Variants in FLNB observed in about 807,000 individuals in gnomAD.
The protein encoded by FLNB is filamin B.
In FLNB, 111 loss-of-function variants were observed where a neutral mutation model predicts 250.6. That is an observed-to-expected ratio of 0.44 (90% CI 0.38 to 0.52). FLNB has a LOEUF of 0.52. FLNB is among the 20% of genes least tolerant of loss of function. FLNB has a pLI of 0.00. For missense variants in FLNB, 2,869 were observed against 3,447.8 expected, an observed-to-expected ratio of 0.83 and a Z score of 4.20; for synonymous variants, 1,302 against 1,372.1, an observed-to-expected ratio of 0.95 and a Z score of 1.13.
intron 1 of FLNB, among the ~76,000 whole-genome samples, chr3:58,072,003 AG>A (rs34814747): frequency 0.53 from 81,069 of 152,018 alleles, 22,996 homozygotes; most frequent in African/African-American, 0.74. Flanking sequence ...CTCCTTCACC[AG>A]GACCAGAGAA....
intron 4 of FLNB, among the ~76,000 whole-genome samples, chr3:58,084,565 T>A (rs568995159): frequency 4.1e-4 from 21 of 50,892 alleles, no homozygotes; most frequent in South Asian, 1.1e-3. Flanking sequence ...TAAAAAAAAA[T>A]TTTTTTTTAT....
At chr3:58,149,722 G>A (rs902139535) in intron 36 of FLNB, 128 bp from the exon 37 acceptor site, 32 of 1,213,886 alleles carry the variant, frequency 2.6e-5, no homozygotes, top group Middle Eastern at 5.3e-4. Context: ...AAACGAGGCC[G>A]CCATTGCTTT....
At position 58,064,913 on chromosome 3, in the gene FLNB, G is replaced by A. The variant is rs147783033; in HGVS notation, c.293-12133G>A. On this transcript the variant is annotated intron_variant, in intron 1 of 45. Transcript: ENST00000295956. ...ACACTGGCTAGGCGTGGTGGCAGGT[G>A]TCTGTAGTCCCAGCTACTTAGAAAG... Among the ~76,000 whole-genome samples the A allele has an allele frequency of 2.8e-3, 419 of 152,272 alleles. 1 individual carries two copies. The highest frequency in any genetic ancestry group is 4.4e-3 in the East Asian group (23 of 5,178).
chr3:58,113,056 A>C (rs1176590777), intron 18 of FLNB, among the ~76,000 whole-genome samples: 1 of 152,206 alleles, frequency 6.6e-6, no homozygotes, highest in Non-Finnish European at 1.5e-5. Context: ...CATAACACAA[A>C]ATTTACCGTC....
Position 58,104,027 on chromosome 3 carries a change from A to G in FLNB, c.1552A>G (p.Ser518Gly). ...DGVYAFEYYP[S>G]TPGRYSIAIT... ...GGTCTACGCATTCGAGTATTACCCC[A>G]GCACCCCGGGGAGATACAGCATTGC... Residue 518 changes from serine to glycine, a missense_variant, in exon 10 of 46, where the codon AGC becomes GGC. Ser to Gly is a moderately conservative substitution (Grantham distance 56). Around this residue, in one of 5 missense-constraint regions of FLNB, gnomAD observed 1,348 missense variants for 1,466.7 expected, o/e 0.92. Coordinates refer to ENST00000295956, the MANE Select transcript of FLNB (RefSeq NM_001457.4). 2.5e-6 allele frequency: 4 copies of G among 1,613,856 alleles called. No homozygotes were observed. The highest frequency in any genetic ancestry group is 1.7e-5 in the Admixed American group (1 of 60,014).
chr3:58,148,628 C>A, intron 35 of FLNB, 21 bp from the exon 36 acceptor site: 1 of 1,606,144 alleles, frequency 6.2e-7, no homozygotes, highest in South Asian at 1.1e-5. Flanking sequence ...CTTACAAGCC[C>A]CAATCTGTGT....
Position 58,142,107 on chromosome 3 carries a change from G to A in FLNB, c.5181+178G>A, listed in dbSNP as rs1030172110. On this transcript the variant is annotated intron_variant, in intron 30 of 45. Transcript: ENST00000295956. The surrounding 1 kb of genome is among the most constrained non-coding windows in gnomAD (Gnocchi z 4.3). ...CTTTTTCTGTAATAAGATCACCTTTGCGTCACCATCCGTGCTCCACGAATC... is the reference window on the plus strand; with the variant it reads ...CTTTTTCTGTAATAAGATCACCTTTACGTCACCATCCGTGCTCCACGAATC... Among the ~76,000 whole-genome samples, 1 of 152,126 alleles carries A rather than the reference G, an allele frequency of 6.6e-6. No individual in the cohort carries two copies.
At position 58,121,636 on chromosome 3, in the gene FLNB, A is replaced by G. The variant is rs530496575; in HGVS notation, c.3126+133A>G. ...TGAAAGTTAGCACAATTCACTGTGA[A>G]AGGTCCCCTGGGTAGGTGGGTCACA... On this transcript the variant is annotated intron_variant, in intron 20 of 45. Coordinates refer to ENST00000295956, the MANE Select transcript of FLNB (RefSeq NM_001457.4). 6.0e-6 allele frequency: 7 copies of G among 1,175,628 alleles called. No individual in the cohort carries two copies. In the African/African-American group the frequency reaches 6.0e-5, roughly 10 times the overall value. The allele number at this position is 1,175,628 out of a possible 1,614,324, so 72.8% of individuals were successfully genotyped here.
chr3:58,060,887 C>T (rs1305527385), intron 1 of FLNB, among the ~76,000 whole-genome samples: 8 of 151,626 alleles, frequency 5.3e-5, no homozygotes, highest in South Asian at 2.1e-4. Context: ...TCTTCAACAT[C>T]GACTCCTCTG....
At chr3:58,025,912 C>T (rs904763224) in intron 1 of FLNB, among the ~76,000 whole-genome samples, 1 of 152,188 alleles carries the variant, frequency 6.6e-6, no homozygotes. Flanking sequence ...ATCAACAGAG[C>T]GAGATTGTCT....
intron 1 of FLNB, among the ~76,000 whole-genome samples, chr3:58,025,540 G>T (rs1468018615): frequency 2.0e-5 from 3 of 152,116 alleles, no homozygotes; most frequent in Non-Finnish European, 4.4e-5. Flanking sequence ...TTGCTCCTGG[G>T]CCTGAGTCTT....
intron 29 of FLNB, among the ~76,000 whole-genome samples, chr3:58,141,194 A>C (rs1000550592): frequency 6.6e-6 from 1 of 152,186 alleles, no homozygotes; most frequent in Non-Finnish European, 1.5e-5. Flanking sequence ...TTGAGGCTGT[A>C]GTAAGCTGAG....
chr3:58,072,753 G>A (rs2097196433), intron 1 of FLNB, among the ~76,000 whole-genome samples: 1 of 152,176 alleles, frequency 6.6e-6, no homozygotes, highest in South Asian at 2.1e-4. Flanking sequence ...CATAAAGGGG[G>A]CTTTCCCGTG....
rs543577139 is a variant in FLNB, at chr3:58,132,281, C to A, written c.4391-527C>A. 1.0e-5 allele frequency: 5 copies of A among 485,840 alleles called. No individual in the cohort carries two copies. The South Asian group carries it at 1.1e-4, about 11-fold the overall frequency. The allele number at this position is 485,840 out of a possible 1,614,324, so 30.1% of individuals were successfully genotyped here. On this transcript the variant is annotated intron_variant, in intron 25 of 45. Coordinates refer to ENST00000295956, the MANE Select transcript of FLNB (RefSeq NM_001457.4). ...CTTCACCTTGAGGGTCCCCTTGCCC[C>A]ATGAGATTGGCACCCTCACCTGCCC... is the stretch of plus-strand genomic sequence containing the variant.
At chr3:58,086,970 G>T (rs1489294587) in intron 4 of FLNB, among the ~76,000 whole-genome samples, 1 of 152,154 alleles carries the variant, frequency 6.6e-6, no homozygotes, top group Non-Finnish European at 1.5e-5. Context: ...AATTAGCTGG[G>T]CATGGCGGCA....
intron 38 of FLNB, chr3:58,152,876 A>G (rs971718196): frequency 2.2e-5 from 11 of 493,682 alleles, no homozygotes; most frequent in Non-Finnish European, 3.4e-5. Context: ...ACGGAGAGTG[A>G]TGTGGTCTTG....
chr3:58,065,817 C>G (rs1414232187), intron 1 of FLNB, among the ~76,000 whole-genome samples: 1 of 152,236 alleles, frequency 6.6e-6, no homozygotes, highest in African/African-American at 2.4e-5. Context: ...GGCCTCACCA[C>G]ATGACAAACT....
chr3:58,009,139 G>T (rs114032500), intron 1 of FLNB, among the ~76,000 whole-genome samples: 1 of 152,156 alleles, frequency 6.6e-6, no homozygotes, highest in Non-Finnish European at 1.5e-5. Context: ...AGGTGGAGTT[G>T]TTGCATTTCT....
intron 1 of FLNB, among the ~76,000 whole-genome samples, chr3:58,027,568 C>T (rs2097125234): frequency 6.6e-6 from 1 of 152,172 alleles, no homozygotes; most frequent in African/African-American, 2.4e-5. Flanking sequence ...AGGCATGAGC[C>T]ACCGCGCCTG....
Sources: gnomAD v4.1 joint callset for allele counts (sites outside exome capture counted in the v4.1 genomes callset) on GRCh38, gnomAD v4.1.1 for gene constraint, gnomAD v4.1.1 regional missense constraint, Gnocchi (gnomAD v3.1) non-coding constraint, MANE v1.5 for transcripts, NCBI Gene and HGNC (gene_info 2026-07-23, HGNC 2026-07-21) for gene names.